The following KPNA1 variants were observed in gnomAD, a reference collection of about 807,000 sequenced individuals.
KPNA1 encodes the protein importin subunit alpha-5.
In KPNA1, 10 loss-of-function variants were observed where a neutral mutation model predicts 70.5. The ratio of observed to expected loss-of-function variants is 0.14; its 90% CI spans 0.09 to 0.24. The LOEUF is 0.24. KPNA1 is among the 10% of genes least tolerant of loss of function. The probability of loss-of-function intolerance (pLI) is 1.00; values close to 1 mark genes in which losing one functional copy is unlikely to be tolerated. For synonymous variants in KPNA1, 192 were observed against 221.9 expected (o/e 0.87, Z 1.20); for missense variants, 397 against 637.9 (o/e 0.62, Z 4.07).
intron 3 of KPNA1, among the ~76,000 whole-genome samples, chr3:122,466,404 GT>G (rs936740855): frequency 4.0e-5 from 6 of 151,522 alleles, no homozygotes; most frequent in Admixed American, 3.9e-4. Context: ...TACTTTTTTT[GT>G]TACTACAAAC....
chr3:122,439,806 C>A (rs2076039634), intron 10 of KPNA1, among the ~76,000 whole-genome samples: 1 of 151,964 alleles, frequency 6.6e-6, no homozygotes, highest in South Asian at 2.1e-4. Flanking sequence ...GTAACAATAA[C>A]AATCAAGAAG....
chr3:122,513,948 T>C (rs570310736), intron 1 of KPNA1, among the ~76,000 whole-genome samples: 2 of 152,298 alleles, frequency 1.3e-5, no homozygotes, highest in Non-Finnish European at 2.9e-5. Context: ...AGTTGAAACC[T>C]TAAAAATCAA....
chr3:122,473,507 A>T (rs540272134), intron 2 of KPNA1, among the ~76,000 whole-genome samples: 2 of 152,346 alleles, frequency 1.3e-5, no homozygotes, highest in South Asian at 4.1e-4. Context: ...AACAATGTAT[A>T]AAACGAATCA....
intron 3 of KPNA1, among the ~76,000 whole-genome samples, chr3:122,465,250 T>C (rs867129702): frequency 2.0e-5 from 3 of 152,338 alleles, no homozygotes; most frequent in East Asian, 3.9e-4. Flanking sequence ...AATGGGGTTA[T>C]GCCCCACTAA....
intron 6 of KPNA1, among the ~76,000 whole-genome samples, chr3:122,453,562 G>A (rs2076234948): frequency 6.6e-6 from 1 of 151,846 alleles, no homozygotes; most frequent in Admixed American, 6.6e-5. Flanking sequence ...TTGAGACAAA[G>A]TCTTGCTCTC....
At chr3:122,458,941 T>C (rs1158294665) in intron 5 of KPNA1, among the ~76,000 whole-genome samples, 1 of 152,186 alleles carries the variant, frequency 6.6e-6, no homozygotes, top group East Asian at 1.9e-4. Flanking sequence ...AACAGTTGGT[T>C]ATTTCTCAGA....
intron 2 of KPNA1, among the ~76,000 whole-genome samples, chr3:122,481,165 C>T (rs1047449856): frequency 2.6e-5 from 4 of 152,098 alleles, no homozygotes; most frequent in African/African-American, 7.2e-5. Context: ...TACTAAGTGC[C>T]GTACTTAGCA....
chr3:122,483,591 C>T (rs184603987), intron 2 of KPNA1, among the ~76,000 whole-genome samples: 5 of 152,150 alleles, frequency 3.3e-5, no homozygotes, highest in African/African-American at 7.2e-5. Flanking sequence ...CTGATCCACC[C>T]GCCTCAGCCT....
rs779388335 is a variant in KPNA1 at position 122,449,606 on chromosome 3, C to T, written c.885G>A (p.Ala295=). 3.7e-6 allele frequency: 6 copies of T among 1,613,710 alleles called. No individual in the cohort carries two copies. Among genetic ancestry groups the T allele is most frequent in the East Asian group, 4.5e-5 (2 of 44,876 alleles). ...GTTCCACAAGTCTCCTACATACTCC[C>T]GCATCGATGACCGCTTGAATTTTAT... ...PNDKIQAVID[A]GVCRRLVELL... The change falls in exon 9 of 14, where the codon GCG becomes GCA. Residue 295 remains alanine, a synonymous_variant. Transcript: ENST00000344337.
intron 5 of KPNA1, among the ~76,000 whole-genome samples, chr3:122,459,228 G>A (rs1398828550): frequency 1.3e-5 from 2 of 152,218 alleles, no homozygotes; most frequent in African/African-American, 4.8e-5. Context: ...GGAGTACAAG[G>A]GAATGCAGAG....
At position 122,451,594 on chromosome 3, in the gene KPNA1, A is replaced by G; in HGVS notation, c.693T>C (p.Asn231=). 1.2e-6 allele frequency: 2 copies of G among 1,614,038 alleles called. No homozygotes were observed. Among genetic ancestry groups the G allele is most frequent in the South Asian group, 2.2e-5 (2 of 91,056 alleles). ...AGAGATTAGACAAAGCCCATACTGC[A>G]TTCCGGGTCATGGTCAGGCGGTTTT... ...SKQNRLTMTR[N]AVWALSNLCR... is the part of the protein sequence containing the mutation. The change falls in exon 8 of 14, where the codon AAT becomes AAC. Residue 231 remains asparagine (N), a synonymous_variant. Coordinates refer to ENST00000344337, the MANE Select transcript of KPNA1 (RefSeq NM_002264.4).
chr3:122,479,428 A>G (rs1330923452), intron 2 of KPNA1, among the ~76,000 whole-genome samples: 1 of 152,202 alleles, frequency 6.6e-6, no homozygotes, highest in African/African-American at 2.4e-5. Flanking sequence ...AAAATGGTAC[A>G]GCCACTTTGG....
At chr3:122,452,955 T>C (rs1240473005) in intron 6 of KPNA1, among the ~76,000 whole-genome samples, 1 of 152,184 alleles carries the variant, frequency 6.6e-6, no homozygotes, top group Non-Finnish European at 1.5e-5. Flanking sequence ...CTAGCCACTT[T>C]CTTTTTTTTT....
chr3:122,474,702 G>A (rs756872504), intron 2 of KPNA1, among the ~76,000 whole-genome samples: 1 of 152,116 alleles, frequency 6.6e-6, no homozygotes, highest in Non-Finnish European at 1.5e-5. Context: ...TACAAGGATG[G>A]TTCAACATAC....
At chr3:122,459,224 C>T (rs1444977232) in intron 5 of KPNA1, among the ~76,000 whole-genome samples, 1 of 152,088 alleles carries the variant, frequency 6.6e-6, no homozygotes, top group Non-Finnish European at 1.5e-5. Context: ...TTAAGGAGTA[C>T]AAGGGAATGC....
intron 8 of KPNA1, among the ~76,000 whole-genome samples, chr3:122,451,331 A>C (rs1418573499): frequency 6.6e-6 from 1 of 152,216 alleles, no homozygotes; most frequent in Non-Finnish European, 1.5e-5. Context: ...GTAAATGTGC[A>C]CCTTCAAGCT....
Position 122,488,823 on chromosome 3 carries a change from A to G in KPNA1, c.129+7614T>C, listed in dbSNP as rs2076660414. ...GAGTTTCCTTTTAAGTTTGGGTTTG[A>G]GCAGTTTGGCTATGATATGCCATGA... On this transcript the variant is annotated intron_variant, in intron 2 of 13. Coordinates refer to ENST00000344337, the MANE Select transcript of KPNA1 (RefSeq NM_002264.4). Among the ~76,000 whole-genome samples, 5 of 152,056 alleles carry G rather than the reference A, an allele frequency of 3.3e-5. No homozygotes were observed. In the South Asian group the frequency reaches 1.0e-3, roughly 32 times the overall value.
chr3:122,491,267 C>T (rs1347284469), intron 2 of KPNA1, among the ~76,000 whole-genome samples: 2 of 152,098 alleles, frequency 1.3e-5, no homozygotes, highest in East Asian at 1.9e-4. Flanking sequence ...TTTGGTACAG[C>T]GGGATGCTGT....
intron 4 of KPNA1, among the ~76,000 whole-genome samples, chr3:122,463,176 G>A (rs28376407): frequency 0.14 from 21,124 of 151,918 alleles, 1,575 homozygotes; most frequent in East Asian, 0.32. Context: ...GTGAAACACC[G>A]TCTCTACTAA....
Sources: allele counts gnomAD v4.1 joint callset (sites outside exome capture counted in the v4.1 genomes callset), GRCh38; gene constraint gnomAD v4.1.1; transcripts MANE v1.5; gene names NCBI Gene and HGNC (gene_info 2026-07-23, HGNC 2026-07-21).